TCN1: variants seen among roughly 807,000 people sequenced by gnomAD.
TCN1 encodes transcobalamin-1.
TCN1 carries 47 observed loss-of-function variants against 46.3 expected under a neutral mutation model. That is an observed-to-expected ratio of 1.01 (90% confidence interval 0.80 to 1.29). The LOEUF (loss-of-function observed/expected upper bound fraction) is 1.29, where lower values mean the gene tolerates loss of function less well. TCN1 is among the 50% of genes most tolerant of loss of function. TCN1 has a pLI of 0.00. For missense variants in TCN1, 532 were observed against 511.0 expected (o/e 1.04, Z -0.40); for synonymous variants, 183 against 192.5 (o/e 0.95, Z 0.41).
intron 5 of TCN1, 131 bp from the exon 6 acceptor site, chr11:59,856,189 A>T (rs1172503819): frequency 1.4e-6 from 1 of 716,736 alleles, no homozygotes; most frequent in Non-Finnish European, 2.3e-6. Context: ...TTAATTGAAC[A>T]TTGACTACCT....
At chr11:59,860,094 T>C (rs1852999853) in intron 4 of TCN1, among the ~76,000 whole-genome samples, 1 of 152,150 alleles carries the variant, frequency 6.6e-6, no homozygotes, top group East Asian at 1.9e-4. Flanking sequence ...TCTAAAGCTC[T>C]CTTGCTGCTG....
chr11:59,861,594 G>C lies in TCN1; in HGVS notation c.489C>G (p.Thr163=), dbSNP rs185999138. Residue 163 remains threonine, a synonymous_variant, in exon 4 of 9, where the codon ACC becomes ACG. Coordinates refer to ENST00000257264, the MANE Select transcript of TCN1 (RefSeq NM_001062.4). ...ALCLFNGNYS[T]AEVVNHFTPE... ...GAGTGAAGTGGTTGACAACTTCGGCGGTTGAGTAGTTCCCATTGAACAGAC... is the reference window on the plus strand; with the variant it reads ...GAGTGAAGTGGTTGACAACTTCGGCCGTTGAGTAGTTCCCATTGAACAGAC... The C allele has an allele frequency of 2.5e-5, 41 of 1,614,144 alleles. No individual in the cohort carries two copies. The African/African-American group carries it at 4.8e-4, about 19-fold the overall frequency.
Position 59,866,437 on chromosome 11 carries a change from G to T in TCN1, c.34C>A (p.Leu12Ile). ...RQSHQLPLVG[L>I]LLFSFIPSQL... ...CTTGGAATAAAAGAAAACAGTAAGAGCCCCACTAGGGGCAGCTGGTGTGAC... is the reference window on the plus strand; with the variant it reads ...CTTGGAATAAAAGAAAACAGTAAGATCCCCACTAGGGGCAGCTGGTGTGAC... Residue 12 changes from leucine (L) to isoleucine (I), a missense_variant, in exon 1 of 9, where the codon CTC becomes ATC. Leu to Ile is a conservative substitution (Grantham distance 5). Coordinates refer to ENST00000257264, the MANE Select transcript of TCN1 (RefSeq NM_001062.4). The T allele has an allele frequency of 6.2e-7, 1 of 1,613,530 alleles. No individual in the cohort carries two copies. Among genetic ancestry groups the T allele is most frequent in the Non-Finnish European group, 8.5e-7 (1 of 1,179,538 alleles).
At position 59,862,654 on chromosome 11, in the gene TCN1, C is replaced by A; in HGVS notation, c.328G>T (p.Glu110Ter). 6.2e-7 allele frequency: 1 copy of A among 1,613,742 alleles called. No individual in the cohort carries two copies. Among genetic ancestry groups the A allele is most frequent in the Non-Finnish European group, 8.5e-7 (1 of 1,179,832 alleles). Reference sequence around the variant, plus strand: ...AGGTGGTAATCATATATTAAGTTTTCCTCAGCGTTACGACATACTCCCAAA... The same window carrying A: ...AGGTGGTAATCATATATTAAGTTTTACTCAGCGTTACGACATACTCCCAAA... ...LALGVCRNAE[E>*]NLIYDYHLID... The change falls in exon 3 of 9, where the codon GAA becomes TAA. Residue 110 changes from glutamate to a stop codon, truncating the protein, a stop_gained. Transcript: ENST00000257264. LOFTEE classifies it high-confidence loss of function.
chr11:59,864,758 A>C (rs905924241), intron 1 of TCN1, among the ~76,000 whole-genome samples: 15 of 152,214 alleles, frequency 9.9e-5, no homozygotes, highest in Middle Eastern at 3.2e-3. Context: ...TCCCAAGGAA[A>C]TAGAGGAGAA....
chr11:59,861,560 T>A lies in TCN1; in HGVS notation c.523A>T (p.Lys175Ter). ...EVVNHFTPEN[K>*]NYYFGSQFSV... ...AACTGGCTACCAAAATAATAGTTTT[T>A]ATTTTCAGGAGTGAAGTGGTTGACA... The change falls in exon 4 of 9, where the codon AAA (lysine) becomes TAA (stop). Residue 175 changes from lysine (K) to a stop codon, truncating the protein, a stop_gained. Coordinates refer to ENST00000257264, the MANE Select transcript of TCN1 (RefSeq NM_001062.4). LOFTEE classifies it high-confidence loss of function. 1 of 1,614,118 alleles carries A rather than the reference T, an allele frequency of 6.2e-7. No homozygotes were observed. The highest frequency in any genetic ancestry group is 8.5e-7 in the Non-Finnish European group (1 of 1,179,998).
Position 59,866,417 on chromosome 11 carries a change from A to T in TCN1, c.54T>A (p.Ile18=), listed in dbSNP as rs368930451. 281 of 1,613,396 alleles carry T rather than the reference A, an allele frequency of 1.7e-4. No homozygotes were observed. Among genetic ancestry groups the T allele is most frequent in the Non-Finnish European group, 2.2e-4 (262 of 1,179,518 alleles). The change falls in exon 1 of 9, where the codon ATT becomes ATA. Residue 18 remains isoleucine (I), a synonymous_variant. Transcript: ENST00000257264. ...PLVGLLLFSF[I]PSQLCEICEV... is the part of the protein sequence containing the mutation. ...CACAAATCTCGCATAGTTGGCTTGGAATAAAAGAAAACAGTAAGAGCCCCA... is the reference window on the plus strand; with the variant it reads ...CACAAATCTCGCATAGTTGGCTTGGTATAAAAGAAAACAGTAAGAGCCCCA...
intron 8 of TCN1, 43 bp from the exon 9 acceptor site, chr11:59,853,079 C>T: frequency 6.2e-7 from 1 of 1,604,468 alleles, no homozygotes; most frequent in Non-Finnish European, 8.5e-7. Context: ...ATGATTTGGC[C>T]ACTAAATCAC....
chr11:59,855,508 A>T (rs1356711734), intron 6 of TCN1, among the ~76,000 whole-genome samples: 1 of 152,202 alleles, frequency 6.6e-6, no homozygotes, highest in Non-Finnish European at 1.5e-5. Flanking sequence ...TCCCTAAGGG[A>T]TCACTCACTG....
intron 4 of TCN1, 65 bp from the exon 5 acceptor site, chr11:59,859,332 T>A: frequency 6.4e-7 from 1 of 1,567,820 alleles, no homozygotes; most frequent in Non-Finnish European, 8.7e-7. Flanking sequence ...GGCCGAGAGG[T>A]TTCCTGGGAT....
At chr11:59,853,074 T>C (rs1381904160) in intron 8 of TCN1, 38 bp from the exon 9 acceptor site, 1 of 1,611,414 alleles carries the variant, frequency 6.2e-7, no homozygotes, top group Non-Finnish European at 8.5e-7. Context: ...GTCAAATGAT[T>C]TGGCCACTAA....
chr11:59,862,661 G>C lies in TCN1; in HGVS notation c.321C>G (p.Asn107Lys). The C allele has an allele frequency of 6.2e-7, 1 of 1,613,600 alleles. No homozygotes were observed. The highest frequency in any genetic ancestry group is 8.5e-7 in the Non-Finnish European group (1 of 1,179,798). Residue 107 changes from asparagine to lysine, a missense_variant, in exon 3 of 9, where the codon AAC becomes AAG. Coordinates refer to ENST00000257264, the MANE Select transcript of TCN1 (RefSeq NM_001062.4). Reference sequence around the variant, plus strand: ...AATCATATATTAAGTTTTCCTCAGCGTTACGACATACTCCCAAAGCCAGTA... The same window carrying C: ...AATCATATATTAAGTTTTCCTCAGCCTTACGACATACTCCCAAAGCCAGTA... ...LIILALGVCR[N>K]AEENLIYDYH...
Position 59,864,050 on chromosome 11 carries a change from A to G in TCN1, c.116T>C (p.Leu39Pro). 1 of 1,613,930 alleles carries G rather than the reference A, an allele frequency of 6.2e-7. No homozygotes were observed. Among genetic ancestry groups the G allele is most frequent in the Non-Finnish European group, 8.5e-7 (1 of 1,179,806 alleles). Residue 39 changes from leucine to proline, a missense_variant, in exon 2 of 9, where the codon CTG becomes CCG. Transcript: ENST00000257264. ...GTTTGACTGGATCATTGTATTCAAC[A>G]GAGGTTTTAGGCGGATGTAGTTTTC... ...SEENYIRLKP[L>P]LNTMIQSNYN...
At position 59,860,654 on chromosome 11, in the gene TCN1, G is replaced by A. The variant is rs150651259; in HGVS notation, c.556+873C>T. Among the ~76,000 whole-genome samples the A allele has an allele frequency of 4.1e-3, 624 of 152,242 alleles. 4 individuals carry two copies. The highest frequency in any genetic ancestry group is 0.01 in the Middle Eastern group (3 of 294). ...AACTGTCTTTGTAAGGCTCTCAAGG[G>A]TTTCATTAGACTGATTAGAAAATAG... On this transcript the variant is annotated intron_variant, in intron 4 of 8. Coordinates refer to ENST00000257264, the MANE Select transcript of TCN1 (RefSeq NM_001062.4).
At chr11:59,861,383 CA>C (rs1565214746) in intron 4 of TCN1, 143 bp downstream of exon 4, 1 of 912,810 alleles carries the variant, frequency 1.1e-6, no homozygotes. Flanking sequence ...CCATTCTTCT[CA>C]AAAAGAAAAT....
intron 4 of TCN1, among the ~76,000 whole-genome samples, chr11:59,860,425 TGCC>T (rs1853005131): frequency 6.6e-6 from 1 of 151,052 alleles, no homozygotes; most frequent in Non-Finnish European, 1.5e-5. Flanking sequence ...CACTGCACCC[TGCC>T]TTTTTTTTTT....
At chr11:59,853,151 T>G in intron 8 of TCN1, 52 bp downstream of exon 8, 1 of 1,607,438 alleles carries the variant, frequency 6.2e-7, no homozygotes, top group Non-Finnish European at 8.5e-7. Flanking sequence ...CTCACACCCC[T>G]CTCCATTTGG....
At chr11:59,865,327 A>G (rs987046999) in intron 1 of TCN1, among the ~76,000 whole-genome samples, 3 of 152,078 alleles carry the variant, frequency 2.0e-5, no homozygotes, top group East Asian at 3.9e-4. Context: ...CTGATCAACA[A>G]CTCAAATCAG....
At chr11:59,855,808 C>G (rs888286949) in intron 6 of TCN1, 61 bp downstream of exon 6, 2 of 1,589,352 alleles carry the variant, frequency 1.3e-6, no homozygotes, top group African/African-American at 2.7e-5. Flanking sequence ...ACACCTGAAT[C>G]TCACATGCTT....
Sources: allele counts gnomAD v4.1 joint callset (sites outside exome capture counted in the v4.1 genomes callset), GRCh38; gene constraint gnomAD v4.1.1; transcripts MANE v1.5; gene names NCBI Gene and HGNC (gene_info 2026-07-23, HGNC 2026-07-21).